HERC4: variants seen among roughly 807,000 people sequenced by gnomAD.
The protein encoded by HERC4 is HECT and RLD domain containing E3 ubiquitin protein ligase 4.
HERC4 carries 28 observed loss-of-function variants against 124.3 expected under a neutral mutation model. The observed-to-expected ratio is 0.23, with a 90% confidence interval of 0.17 to 0.31. The LOEUF is 0.31. Among genes scored for constraint, HERC4 ranks in the 10% least tolerant of loss-of-function variants. HERC4 has a pLI of 1.00. For missense variants in HERC4, 713 were observed against 1,229.3 expected (o/e 0.58, Z 6.28); for synonymous variants, 407 against 421.5 (o/e 0.97, Z 0.42).
chr10:67,989,658 G>A (rs2036448231), intron 14 of HERC4, among the ~76,000 whole-genome samples: 2 of 151,976 alleles, frequency 1.3e-5, no homozygotes, highest in Admixed American at 1.3e-4. Context: ...CCAGGAAATA[G>A]AGATAAAATC....
At chr10:67,995,415 A>G (rs973245761) in intron 9 of HERC4, 11 of 236,086 alleles carry the variant, frequency 4.7e-5, no homozygotes, top group Non-Finnish European at 8.5e-5. Context: ...TATTACAATT[A>G]TTTACTGTCC....
chr10:68,023,055 G>A (rs529378683), intron 8 of HERC4, among the ~76,000 whole-genome samples: 1 of 151,774 alleles, frequency 6.6e-6, no homozygotes, highest in African/African-American at 2.4e-5. Flanking sequence ...TGTTGGTGAG[G>A]ATGTAGAGAA....
chr10:68,040,330 T>C (rs992292779), intron 4 of HERC4: 2 of 953,968 alleles, frequency 2.1e-6, no homozygotes, highest in Non-Finnish European at 2.5e-6. Flanking sequence ...GAAAAAACTA[T>C]CCCCTTTCAT....
intron 21 of HERC4, among the ~76,000 whole-genome samples, 175 bp downstream of exon 21, chr10:67,939,413 G>T (rs1397372144): frequency 3.3e-5 from 5 of 152,138 alleles, no homozygotes; most frequent in African/African-American, 1.2e-4. Context: ...GATTGCTGAG[G>T]ATTAAATGAA....
intron 5 of HERC4, among the ~76,000 whole-genome samples, chr10:68,035,299 C>T (rs1472802071): frequency 1.3e-5 from 2 of 151,942 alleles, no homozygotes; most frequent in Non-Finnish European, 2.9e-5. Flanking sequence ...ATTACAGGCG[C>T]GTGCCACCAT....
intron 3 of HERC4, among the ~76,000 whole-genome samples, chr10:68,064,049 C>A (rs2041169709): frequency 6.6e-6 from 1 of 152,086 alleles, no homozygotes; most frequent in Non-Finnish European, 1.5e-5. Context: ...TCTAGAACAG[C>A]CTGGTCAACA....
chr10:67,983,759 C>G (rs564867194), intron 15 of HERC4, among the ~76,000 whole-genome samples: 126 of 140,796 alleles, frequency 8.9e-4, no homozygotes, highest in Non-Finnish European at 1.3e-3. Context: ...TGCACTCCAG[C>G]CTGGGCAACA....
At chr10:68,047,065 A>G in intron 3 of HERC4, among the ~76,000 whole-genome samples, 1 of 152,230 alleles carries the variant, frequency 6.6e-6, no homozygotes. Context: ...CCATGTATCC[A>G]TTTGAGGAAA....
At chr10:68,070,974 T>C (rs1173552151) in intron 3 of HERC4, among the ~76,000 whole-genome samples, 1 of 152,234 alleles carries the variant, frequency 6.6e-6, no homozygotes, top group Non-Finnish European at 1.5e-5. Flanking sequence ...GCACATCATG[T>C]CTAATTTCCA....
chr10:67,956,734 T>C lies in HERC4; in HGVS notation c.2025+144A>G, dbSNP rs2034164741. 10 of 456,778 alleles carry C rather than the reference T, an allele frequency of 2.2e-5. No homozygotes were observed. The Admixed American group carries it at 3.8e-4, about 17-fold the overall frequency. 28.3% of individuals were successfully genotyped at this position (456,778 alleles called of 1,614,324 possible). A position where few individuals can be genotyped will look rare whatever the true frequency, so the allele number is the denominator to read the frequency against. Reference sequence around the variant, plus strand: ...ATAAATGTTCTCATAAGAATATACATATCACATGCAGCAGTCTTCTTTATA... The same window carrying C: ...ATAAATGTTCTCATAAGAATATACACATCACATGCAGCAGTCTTCTTTATA... On this transcript the variant is annotated intron_variant, in intron 17 of 24. Coordinates refer to ENST00000373700, the MANE Select transcript of HERC4 (RefSeq NM_015601.4).
intron 19 of HERC4, among the ~76,000 whole-genome samples, chr10:67,953,156 T>G (rs1306749489): frequency 6.6e-6 from 1 of 152,196 alleles, no homozygotes; most frequent in Non-Finnish European, 1.5e-5. Context: ...TTAACACATC[T>G]TATTTTGTAG....
chr10:67,969,797 AG>A (rs934536161), intron 15 of HERC4, among the ~76,000 whole-genome samples: 14 of 152,316 alleles, frequency 9.2e-5, no homozygotes, highest in African/African-American at 3.4e-4. Flanking sequence ...TGGTTGCCAC[AG>A]GAAGAGGGGA....
intron 9 of HERC4, among the ~76,000 whole-genome samples, chr10:68,005,860 C>A (rs186419915): frequency 2.4e-4 from 37 of 152,136 alleles, no homozygotes; most frequent in South Asian, 1.0e-3. Context: ...TGCCATGATG[C>A]CAGGCTAATT....
At chr10:67,939,720 G>T in intron 20 of HERC4, 66 bp from the exon 21 acceptor site, 3 of 741,766 alleles carry the variant, frequency 4.0e-6, no homozygotes, top group Non-Finnish European at 2.2e-6. Context: ...TTTTACTTAT[G>T]GATATATATA....
chr10:68,011,102 G>A (rs148129699), intron 9 of HERC4, among the ~76,000 whole-genome samples: 19 of 152,200 alleles, frequency 1.2e-4, no homozygotes, highest in African/African-American at 4.6e-4. Flanking sequence ...TTGCTCTGTC[G>A]CCCAGGCTGG....
At chr10:67,999,944 A>C in intron 9 of HERC4, among the ~76,000 whole-genome samples, 1 of 152,216 alleles carries the variant, frequency 6.6e-6, no homozygotes, top group Non-Finnish European at 1.5e-5. Flanking sequence ...TATAATTGAA[A>C]AAAATCTATT....
rs746741329 is a variant in HERC4, at chr10:67,954,753, T to C, written c.2194-15A>G. ...ACAAATATAACCTAAAATAGCACAA[T>C]GCAAACACCAAATAGACTGTAAAGA... On this transcript the variant is annotated splice_polypyrimidine_tract_variant and intron_variant, in intron 18 of 24. Coordinates refer to ENST00000373700, the MANE Select transcript of HERC4 (RefSeq NM_015601.4). The C allele has an allele frequency of 1.2e-5, 20 of 1,610,304 alleles. No individual in the cohort carries two copies. The highest frequency in any genetic ancestry group is 1.4e-5 in the Non-Finnish European group (17 of 1,178,368).
At chr10:67,939,900 C>T (rs1404110454) in intron 20 of HERC4, among the ~76,000 whole-genome samples, 1 of 151,980 alleles carries the variant, frequency 6.6e-6, no homozygotes, top group Non-Finnish European at 1.5e-5. Flanking sequence ...ATGTATCCAA[C>T]TATTTTCAAC....
chr10:68,035,483 G>T (rs2039415704), intron 5 of HERC4, among the ~76,000 whole-genome samples: 1 of 151,996 alleles, frequency 6.6e-6, no homozygotes, highest in Non-Finnish European at 1.5e-5. Context: ...CCAATTACTG[G>T]TAAGTCCTTC....
Sources: gnomAD v4.1 joint callset for allele counts (sites outside exome capture counted in the v4.1 genomes callset) on GRCh38, gnomAD v4.1.1 for gene constraint, MANE v1.5 for transcripts, NCBI Gene and HGNC (gene_info 2026-07-23, HGNC 2026-07-21) for gene names.